Variants in APBA1 observed in about 807,000 individuals in gnomAD.
The protein encoded by APBA1 is amyloid-beta A4 precursor protein-binding family A member 1.
Under a neutral mutation model 86.6 loss-of-function variants are expected in APBA1, and 55 were observed. The observed-to-expected ratio is 0.64, with a 90% CI of 0.51 to 0.80. APBA1 has a LOEUF of 0.80. Ranked by LOEUF, APBA1 falls within the 30% of genes least tolerant of loss-of-function variation. The pLI is 0.00. For synonymous variants in APBA1, 511 were observed against 493.9 expected (o/e 1.03, Z -0.46); for missense variants, 1,090 against 1,183.0 (o/e 0.92, Z 1.15).
chr9:69,455,162 C>T (rs543619998), intron 8 of APBA1, among the ~76,000 whole-genome samples: 45 of 152,228 alleles, frequency 3.0e-4, no homozygotes, highest in African/African-American at 9.9e-4. Context: ...AGAAGAAGGG[C>T]CTCTTTGAAG....
intron 1 of APBA1, among the ~76,000 whole-genome samples, chr9:69,660,193 G>T (rs1823723727): frequency 6.6e-6 from 1 of 152,206 alleles, no homozygotes; most frequent in Non-Finnish European, 1.5e-5. Flanking sequence ...TTATTAAGAA[G>T]AAAAACAGGA....
chr9:69,653,130 A>T (rs1823540183), intron 1 of APBA1, among the ~76,000 whole-genome samples: 1 of 152,228 alleles, frequency 6.6e-6, no homozygotes, highest in Admixed American at 6.5e-5. Flanking sequence ...TGCAAATGGA[A>T]ACTAAAAAAG....
At chr9:69,554,973 C>G (rs1446635005) in intron 1 of APBA1, among the ~76,000 whole-genome samples, 3 of 152,128 alleles carry the variant, frequency 2.0e-5, no homozygotes, top group Non-Finnish European at 4.4e-5. Flanking sequence ...ACAGACTAAG[C>G]TAAGAGAGCT....
intron 2 of APBA1, among the ~76,000 whole-genome samples, chr9:69,496,531 C>T (rs984109203): frequency 2.9e-4 from 44 of 152,102 alleles, no homozygotes; most frequent in Admixed American, 2.9e-3. Context: ...TCCTCAGGCA[C>T]TGCCCTCTCT....
At chr9:69,475,016 T>G (rs1835420224) in intron 3 of APBA1, among the ~76,000 whole-genome samples, 1 of 152,172 alleles carries the variant, frequency 6.6e-6, no homozygotes, top group Non-Finnish European at 1.5e-5. Context: ...GCAGCTATAT[T>G]TAGAGTGAGC....
intron 1 of APBA1, among the ~76,000 whole-genome samples, chr9:69,609,121 A>T (rs1253528294): frequency 6.6e-6 from 1 of 152,212 alleles, no homozygotes; most frequent in African/African-American, 2.4e-5. Context: ...TTAAATGCTC[A>T]CACTGATTCC....
intron 1 of APBA1, among the ~76,000 whole-genome samples, chr9:69,653,343 C>G (rs1247664834): frequency 6.6e-6 from 1 of 152,106 alleles, no homozygotes; most frequent in Non-Finnish European, 1.5e-5. Flanking sequence ...GAGAGGTTGA[C>G]TACAATACAA....
intron 1 of APBA1, among the ~76,000 whole-genome samples, chr9:69,584,076 T>C (rs1363751615): frequency 6.6e-6 from 1 of 152,248 alleles, no homozygotes; most frequent in Non-Finnish European, 1.5e-5. Flanking sequence ...CACACTCCCT[T>C]CTTGTGTGTT....
chr9:69,636,626 T>C (rs13287498), intron 1 of APBA1, among the ~76,000 whole-genome samples: 1,926 of 151,490 alleles, frequency 0.013, 33 homozygotes, highest in Non-Finnish European at 0.019. Context: ...TGAAACCCCA[T>C]CTCTACAAAA....
At chr9:69,582,073 T>C (rs1340927397) in intron 1 of APBA1, among the ~76,000 whole-genome samples, 1 of 152,172 alleles carries the variant, frequency 6.6e-6, no homozygotes, top group African/African-American at 2.4e-5. Flanking sequence ...TTTTAGTGAT[T>C]ACCAAGTTAT....
At chr9:69,511,641 T>C (rs1442443379) in intron 2 of APBA1, among the ~76,000 whole-genome samples, 5 of 152,012 alleles carry the variant, frequency 3.3e-5, no homozygotes, top group South Asian at 2.1e-4. Context: ...TACTGCGGCA[T>C]TATTCACAAT....
intron 5 of APBA1, chr9:69,462,179 C>T (rs1835202024): frequency 6.6e-6 from 1 of 152,166 alleles, no homozygotes; most frequent in Admixed American, 6.5e-5. Context: ...AATGGAGACA[C>T]AAACACCACA....
rs79698967 is a variant in APBA1, at chr9:69,476,875, C to A, written c.1201-732G>T. Among the ~76,000 whole-genome samples the A allele has an allele frequency of 5.3e-4, 81 of 152,266 alleles. 2 individuals carry two copies. The East Asian group carries it at 0.015, about 28-fold the overall frequency. On this transcript the variant is annotated intron_variant, in intron 2 of 12. Transcript: ENST00000265381. ...GACCCCAGCTCCCTGTGCAGGCAGG[C>A]CCTGCTAGACGTGTATAGGAAGCTC...
chr9:69,542,926 G>C (rs1406217919), intron 1 of APBA1, among the ~76,000 whole-genome samples: 1 of 152,212 alleles, frequency 6.6e-6, no homozygotes, highest in African/African-American at 2.4e-5. Flanking sequence ...GGGGAGAGAA[G>C]AGAGGGCAAG....
chr9:69,481,877 T>A lies in APBA1; in HGVS notation c.1201-5734A>T, dbSNP rs1588310064. Among the ~76,000 whole-genome samples, 3 of 152,050 alleles carry A rather than the reference T, an allele frequency of 2.0e-5. No individual in the cohort carries two copies. In the South Asian group the frequency reaches 6.2e-4, roughly 32 times the overall value. On this transcript the variant is annotated intron_variant, in intron 2 of 12. Coordinates refer to ENST00000265381, the MANE Select transcript of APBA1 (RefSeq NM_001163.4). ...GAAAAGCAAGCAATGGGGAAAGGAT[T>A]CCCTATTTAATAAATAGTGCTGGGA...
chr9:69,613,182 C>T (rs749135124), intron 1 of APBA1, among the ~76,000 whole-genome samples: 10 of 142,350 alleles, frequency 7.0e-5, no homozygotes, highest in Non-Finnish European at 1.5e-4. Flanking sequence ...AAATACACTG[C>T]TACATAACTA....
rs78225691 is a variant in APBA1 at position 69,593,262 on chromosome 9, G to A, written c.-69-75983C>T. ...TGGAGGCTGATATAAATACACTTGTGCTTATCTGTGTCTAGTTATTTATAA... is the reference window on the plus strand; with the variant it reads ...TGGAGGCTGATATAAATACACTTGTACTTATCTGTGTCTAGTTATTTATAA... On this transcript the variant is annotated intron_variant, in intron 1 of 12. Transcript: ENST00000265381. Among the ~76,000 whole-genome samples the A allele has an allele frequency of 8.0e-3, 1,219 of 152,090 alleles. 9 individuals are homozygous for A. Among genetic ancestry groups the A allele is most frequent in the Middle Eastern group, 0.041 (12 of 294 alleles).
chr9:69,459,394 A>C (rs896200837), intron 5 of APBA1, among the ~76,000 whole-genome samples: 28 of 151,940 alleles, frequency 1.8e-4, no homozygotes, highest in Non-Finnish European at 1.5e-5. Context: ...GTGTGTTAAA[A>C]CCTCCAGCTG....
At chr9:69,442,894 T>C (rs1045474653) in intron 10 of APBA1, among the ~76,000 whole-genome samples, 1 of 152,176 alleles carries the variant, frequency 6.6e-6, no homozygotes, top group African/African-American at 2.4e-5. Context: ...GAACTATGGA[T>C]CCCTGCTCAG....
Sources: allele counts gnomAD v4.1 joint callset (sites outside exome capture counted in the v4.1 genomes callset), GRCh38; gene constraint gnomAD v4.1.1; transcripts MANE v1.5; gene names NCBI Gene and HGNC (gene_info 2026-07-23, HGNC 2026-07-21).